The following RIMS2 variants were observed in gnomAD, a reference collection of about 807,000 sequenced individuals.
The protein encoded by RIMS2 is regulating synaptic membrane exocytosis 2, also known as regulating synaptic membrane exocytosis protein 2.
In RIMS2, 59 loss-of-function variants were observed where a neutral mutation model predicts 174.4. The observed-to-expected ratio is 0.34, with a 90% CI of 0.27 to 0.42. RIMS2 has a LOEUF of 0.42. Ranked by LOEUF, RIMS2 falls within the 10% of genes least tolerant of loss-of-function variation. The probability of loss-of-function intolerance (pLI) is 1.00; values close to 1 mark genes in which losing one functional copy is unlikely to be tolerated. For synonymous variants in RIMS2, 606 were observed against 572.5 expected (o/e 1.06, Z -0.84); for missense variants, 1,620 against 1,666.3 (o/e 0.97, Z 0.48).
chr8:103,926,350 C>T (rs998131071), intron 10 of RIMS2, among the ~76,000 whole-genome samples: 3 of 151,696 alleles, frequency 2.0e-5, no homozygotes, highest in Admixed American at 2.0e-4. Flanking sequence ...TGCCAACAGA[C>T]ATCAGTAACA....
At chr8:103,635,692 A>G (rs1280788097) in intron 1 of RIMS2, among the ~76,000 whole-genome samples, 1 of 152,142 alleles carries the variant, frequency 6.6e-6, no homozygotes, top group Non-Finnish European at 1.5e-5. Flanking sequence ...AGTGAGGAGG[A>G]GCAGGATCAG....
intron 19 of RIMS2, among the ~76,000 whole-genome samples, chr8:104,220,350 G>T (rs2099149533): frequency 6.6e-6 from 1 of 152,128 alleles, no homozygotes; most frequent in African/African-American, 2.4e-5. Context: ...TGGTCATGTA[G>T]TAGACACATC....
At chr8:103,875,952 GA>G (rs199623839) in intron 3 of RIMS2, among the ~76,000 whole-genome samples, 3,146 of 151,910 alleles carry the variant, frequency 0.021, 51 homozygotes, top group Non-Finnish European at 0.028. Flanking sequence ...CTTTTAGTGG[GA>G]TTATTTGGGT....
chr8:104,121,276 T>C (rs1196718394), intron 19 of RIMS2, among the ~76,000 whole-genome samples: 2 of 152,076 alleles, frequency 1.3e-5, no homozygotes, highest in Admixed American at 6.6e-5. Flanking sequence ...AGTAAGGAAG[T>C]GCAAATAAAT....
intron 1 of RIMS2, among the ~76,000 whole-genome samples, chr8:103,567,889 C>A (rs1276758952): frequency 6.6e-6 from 1 of 152,120 alleles, no homozygotes; most frequent in African/African-American, 2.4e-5. Flanking sequence ...GTGGGTTTGC[C>A]TTGCATTTCT....
intron 1 of RIMS2, among the ~76,000 whole-genome samples, chr8:103,599,792 A>G (rs1162192393): frequency 2.0e-5 from 3 of 152,060 alleles, no homozygotes; most frequent in Non-Finnish European, 4.4e-5. Flanking sequence ...GTAAATATAT[A>G]TAGGGTACAT....
At chr8:104,097,611 C>CA (rs61692286) in intron 19 of RIMS2, among the ~76,000 whole-genome samples, 34,056 of 134,424 alleles carry the variant, frequency 0.25, 4,212 homozygotes, top group East Asian at 0.58. Flanking sequence ...TAAGCAATAG[C>CA]AAAAAAAAAA....
At chr8:103,854,078 T>C (rs2099013714) in intron 3 of RIMS2, among the ~76,000 whole-genome samples, 1 of 152,044 alleles carries the variant, frequency 6.6e-6, no homozygotes, top group Admixed American at 6.6e-5. Flanking sequence ...CAGTGTTTCA[T>C]AGTTCTCCTT....
At chr8:103,588,679 A>G (rs930248194) in intron 1 of RIMS2, among the ~76,000 whole-genome samples, 12 of 151,980 alleles carry the variant, frequency 7.9e-5, no homozygotes, top group Admixed American at 2.6e-4. Flanking sequence ...TCTTCAATAA[A>G]TGGTGCTGGA....
At chr8:104,061,391 A>C (rs1372454054) in intron 19 of RIMS2, among the ~76,000 whole-genome samples, 1 of 152,108 alleles carries the variant, frequency 6.6e-6, no homozygotes, top group African/African-American at 2.4e-5. Flanking sequence ...TTAGGATTGC[A>C]ACCCCAGATT....
At chr8:103,606,469 T>C (rs1169771043) in intron 1 of RIMS2, among the ~76,000 whole-genome samples, 3 of 152,170 alleles carry the variant, frequency 2.0e-5, no homozygotes, top group South Asian at 2.1e-4. Context: ...GAAAAAAATG[T>C]ATATTCTGTT....
At chr8:103,966,390 C>T (rs2091832583) in intron 15 of RIMS2, among the ~76,000 whole-genome samples, 1 of 152,124 alleles carries the variant, frequency 6.6e-6, no homozygotes, top group Non-Finnish European at 1.5e-5. Flanking sequence ...GTTTCATCTA[C>T]ATTATCAAAT....
intron 19 of RIMS2, among the ~76,000 whole-genome samples, chr8:104,068,927 T>A (rs377494925): frequency 6.6e-6 from 1 of 152,200 alleles, no homozygotes; most frequent in Non-Finnish European, 1.5e-5. Flanking sequence ...TTCTTTCATA[T>A]AGATTTTTTC....
chr8:104,076,549 C>T (rs2097296260), intron 19 of RIMS2, among the ~76,000 whole-genome samples: 1 of 152,102 alleles, frequency 6.6e-6, no homozygotes, highest in South Asian at 2.1e-4. Flanking sequence ...AGATTTATAG[C>T]AGAAATTCTG....
intron 19 of RIMS2, among the ~76,000 whole-genome samples, chr8:104,201,018 G>T (rs2099052058): frequency 6.6e-6 from 1 of 152,146 alleles, no homozygotes; most frequent in African/African-American, 2.4e-5. Context: ...TACACGTGTA[G>T]GTTTGTTACA....
At chr8:103,530,234 G>T (rs1836354884) in intron 1 of RIMS2, among the ~76,000 whole-genome samples, 4 of 152,102 alleles carry the variant, frequency 2.6e-5, no homozygotes, top group Admixed American at 2.6e-4. Context: ...TATTATAATT[G>T]CTGAGTTTAT....
intron 1 of RIMS2, among the ~76,000 whole-genome samples, chr8:103,660,724 A>G (rs534147764): frequency 1.7e-4 from 26 of 152,376 alleles, no homozygotes; most frequent in African/African-American, 6.3e-4. Context: ...TAAAATTGCC[A>G]GAATCTTTCT....
At chr8:103,576,171 CTA>C (rs1198675224) in intron 1 of RIMS2, among the ~76,000 whole-genome samples, 3 of 152,218 alleles carry the variant, frequency 2.0e-5, no homozygotes, top group African/African-American at 7.2e-5. Flanking sequence ...CACTATAAGG[CTA>C]TCCCCTTTGG....
rs535063608 is a variant in RIMS2, at chr8:103,762,717, A to C, written c.388-3510A>C. ...TTGCTAATGATGGAGATACAGCCCA[A>C]GAAGTGCATCATTAGGCAATTTTGT... On this transcript the variant is annotated intron_variant, in intron 2 of 23. Coordinates refer to ENST00000504942, the Ensembl canonical transcript of RIMS2. Among the ~76,000 whole-genome samples the C allele has an allele frequency of 3.3e-5, 5 of 152,278 alleles. No individual in the cohort carries two copies. In the East Asian group the frequency reaches 9.7e-4, roughly 29 times the overall value.
Sources: gnomAD v4.1 joint callset for allele counts (sites outside exome capture counted in the v4.1 genomes callset) on GRCh38, gnomAD v4.1.1 for gene constraint, MANE v1.5 for transcripts, NCBI Gene and HGNC (gene_info 2026-07-23, HGNC 2026-07-21) for gene names.